The following PTPRM variants were observed in gnomAD, a reference collection of about 807,000 sequenced individuals.
PTPRM encodes the protein protein tyrosine phosphatase receptor type M, also known as receptor-type tyrosine-protein phosphatase mu.
PTPRM carries 47 observed loss-of-function variants against 186.7 expected under a neutral mutation model. The ratio of observed to expected loss-of-function variants is 0.25; its 90% confidence interval spans 0.20 to 0.32. The LOEUF is 0.32. Among genes scored for constraint, PTPRM ranks in the 10% least tolerant of loss-of-function variants. PTPRM has a pLI of 1.00. For missense variants in PTPRM, 1,494 were observed against 1,865.0 expected (o/e 0.80, Z 3.66); for synonymous variants, 668 against 674.9 (o/e 0.99, Z 0.16).
intron 22 of PTPRM, among the ~76,000 whole-genome samples, chr18:8,332,311 GGCTA>G (rs2095416244): frequency 6.6e-6 from 1 of 152,152 alleles, no homozygotes; most frequent in Admixed American, 6.5e-5. Context: ...AGGTTTCCCA[GGCTA>G]TTTTAGTGTT....
chr18:8,050,292 C>T (rs533303853), intron 7 of PTPRM, among the ~76,000 whole-genome samples: 108 of 152,178 alleles, frequency 7.1e-4, no homozygotes, highest in Admixed American at 6.5e-4. Context: ...TTCGGTCAGA[C>T]GATAAGAGCA....
intron 22 of PTPRM, among the ~76,000 whole-genome samples, chr18:8,320,937 A>G (rs967967102): frequency 7.9e-5 from 12 of 152,328 alleles, no homozygotes; most frequent in African/African-American, 2.6e-4. Context: ...TGAGGTCTTC[A>G]GGAAGCAAGG....
At chr18:8,358,140 C>A (rs1050186078) in intron 23 of PTPRM, among the ~76,000 whole-genome samples, 4 of 138,620 alleles carry the variant, frequency 2.9e-5, no homozygotes, top group African/African-American at 9.2e-5. Flanking sequence ...TTCCCCCCCC[C>A]ACACACACAC....
intron 14 of PTPRM, among the ~76,000 whole-genome samples, chr18:8,204,599 A>C (rs774965079): frequency 1.3e-5 from 2 of 152,056 alleles, no homozygotes; most frequent in African/African-American, 2.4e-5. Context: ...TGCCTCCACA[A>C]GGAGTCCTAT....
chr18:8,047,860 G>C (rs557994313), intron 7 of PTPRM, among the ~76,000 whole-genome samples: 2 of 152,282 alleles, frequency 1.3e-5, no homozygotes, highest in African/African-American at 4.8e-5. Flanking sequence ...CTATGGACTT[G>C]AGACCAAAGT....
At chr18:8,217,927 A>G (rs1189156463) in intron 14 of PTPRM, among the ~76,000 whole-genome samples, 1 of 152,180 alleles carries the variant, frequency 6.6e-6, no homozygotes, top group Non-Finnish European at 1.5e-5. Context: ...TGTATTTACA[A>G]GATTACAGAA....
At chr18:7,864,696 A>G (rs1003749396) in intron 2 of PTPRM, among the ~76,000 whole-genome samples, 2 of 152,132 alleles carry the variant, frequency 1.3e-5, no homozygotes, top group African/African-American at 4.8e-5. Flanking sequence ...TTTTGGTTCC[A>G]TATGATATTT....
chr18:8,177,234 A>G (rs1212750799), intron 14 of PTPRM, among the ~76,000 whole-genome samples: 2 of 152,356 alleles, frequency 1.3e-5, no homozygotes, highest in Non-Finnish European at 2.9e-5. Flanking sequence ...TAAAGTAAGT[A>G]GTTTCTTTAG....
intron 2 of PTPRM, among the ~76,000 whole-genome samples, chr18:7,817,045 G>A (rs1282039995): frequency 6.6e-6 from 1 of 150,988 alleles, no homozygotes; most frequent in East Asian, 1.9e-4. Context: ...CGTGATCTCG[G>A]CTCACTGCAA....
intron 14 of PTPRM, among the ~76,000 whole-genome samples, chr18:8,240,753 C>T (rs1483034342): frequency 9.2e-6 from 1 of 108,746 alleles, no homozygotes; most frequent in African/African-American, 3.6e-5. Flanking sequence ...TGGCAACCCG[C>T]GAGGGAGGGA....
chr18:8,303,665 G>GA (rs1302340967), intron 20 of PTPRM, among the ~76,000 whole-genome samples: 1 of 152,152 alleles, frequency 6.6e-6, no homozygotes, highest in African/African-American at 2.4e-5. Flanking sequence ...CTCTGACACA[G>GA]GGATTAGTCA....
At chr18:7,973,242 T>C (rs2054692064) in intron 7 of PTPRM, among the ~76,000 whole-genome samples, 1 of 152,088 alleles carries the variant, frequency 6.6e-6, no homozygotes, top group Admixed American at 6.6e-5. Context: ...ATAAGTTAAG[T>C]TTACAGTTTT....
At chr18:7,786,686 C>A (rs1466637790) in intron 2 of PTPRM, among the ~76,000 whole-genome samples, 1 of 152,188 alleles carries the variant, frequency 6.6e-6, no homozygotes, top group African/African-American at 2.4e-5. Flanking sequence ...TATTACACAC[C>A]TTGTGAAAAT....
intron 1 of PTPRM, among the ~76,000 whole-genome samples, chr18:7,590,535 A>G (rs540213563): frequency 6.6e-6 from 1 of 152,370 alleles, no homozygotes; most frequent in African/African-American, 2.4e-5. Flanking sequence ...AGGCGTATTC[A>G]TTAAGGCATT....
At chr18:7,792,695 C>T (rs1382198780) in intron 2 of PTPRM, among the ~76,000 whole-genome samples, 1 of 152,014 alleles carries the variant, frequency 6.6e-6, no homozygotes, top group Non-Finnish European at 1.5e-5. Context: ...GAGATAGGGT[C>T]TCATTCTGTC....
At position 8,143,630 on chromosome 18, in the gene PTPRM, T is replaced by C; in HGVS notation, c.2168-17T>C. ...CTTACCTACAGTCTCTCCTTTTTCA[T>C]TTCCTTTCATCTTCAGGAGCTGCCA... On this transcript the variant is annotated splice_polypyrimidine_tract_variant and intron_variant, in intron 13 of 32. Transcript: ENST00000580170. 6.3e-7 allele frequency: 1 copy of C among 1,579,230 alleles called. No individual in the cohort carries two copies. Among genetic ancestry groups the C allele is most frequent in the Non-Finnish European group, 8.7e-7 (1 of 1,148,410 alleles).
At chr18:8,306,022 C>T (rs1474164647) in intron 20 of PTPRM, among the ~76,000 whole-genome samples, 1 of 152,026 alleles carries the variant, frequency 6.6e-6, no homozygotes, top group Non-Finnish European at 1.5e-5. Flanking sequence ...CTCAGCCTCC[C>T]AAGTAGCTGG....
chr18:7,870,662 TA>T (rs1279136287), intron 2 of PTPRM, among the ~76,000 whole-genome samples: 1 of 152,220 alleles, frequency 6.6e-6, no homozygotes, highest in African/African-American at 2.4e-5. Flanking sequence ...AAAAATCTGA[TA>T]GACAATTTTA....
At chr18:8,218,339 T>C (rs2094114173) in intron 14 of PTPRM, among the ~76,000 whole-genome samples, 1 of 151,872 alleles carries the variant, frequency 6.6e-6, no homozygotes, top group African/African-American at 2.4e-5. Context: ...ATGCACTAAA[T>C]GTCAGTTTTG....
Sources: allele counts gnomAD v4.1 joint callset (sites outside exome capture counted in the v4.1 genomes callset), GRCh38; gene constraint gnomAD v4.1.1; transcripts MANE v1.5; gene names NCBI Gene and HGNC (gene_info 2026-07-23, HGNC 2026-07-21).